The following TBCD variants were observed in gnomAD, a reference collection of about 807,000 sequenced individuals.
The protein encoded by TBCD is tubulin folding cofactor D.
In TBCD, 105 loss-of-function variants were observed where a neutral mutation model predicts 169.3. The ratio of observed to expected loss-of-function variants is 0.62; its 90% CI spans 0.53 to 0.73. The LOEUF is 0.73. TBCD is among the 30% of genes least tolerant of loss of function. The pLI is 0.00. For missense variants in TBCD, 1,444 were observed against 1,600.1 expected (o/e 0.90, Z 1.66); for synonymous variants, 700 against 643.9 (o/e 1.09, Z -1.32).
intron 14 of TBCD, among the ~76,000 whole-genome samples, chr17:82,871,874 C>T (rs888468524): frequency 1.3e-5 from 2 of 152,238 alleles, no homozygotes; most frequent in East Asian, 1.9e-4. Context: ...TTCCCTCACG[C>T]ACCCGGGTGT....
At chr17:82,808,686 G>GTAT in intron 11 of TBCD, among the ~76,000 whole-genome samples, 1 of 116,464 alleles carries the variant, frequency 8.6e-6, no homozygotes, top group African/African-American at 3.3e-5. Flanking sequence ...GTGCTGGGGG[G>GTAT]CAGAGAGGCC....
chr17:82,840,953 G>GTTTTTTTT lies in TBCD; in HGVS notation c.1318+26019_1318+26020insTTTTTTTT, dbSNP rs755302623. Among the ~76,000 whole-genome samples, 109 of 70,548 alleles carry GTTTTTTTT rather than the reference G, an allele frequency of 1.5e-3. 38 individuals are homozygous for GTTTTTTTT. Among genetic ancestry groups the GTTTTTTTT allele is most frequent in the African/African-American group, 4.3e-3 (77 of 18,010 alleles). The allele number at this position is 70,548 out of a possible 152,430, so 46.3% of individuals were successfully genotyped here. A position where few individuals can be genotyped will look rare whatever the true frequency, so the allele number is the denominator to read the frequency against. Reference sequence around the variant, plus strand: ...ACGAGCTGGCCAGGACAGACAAACTGGTTTTTTTTTTTTTTTTTTTTTTTT... The same window carrying GTTTTTTTT: ...ACGAGCTGGCCAGGACAGACAAACTGTTTTTTTTGTTTTTTTTTTTTTTTTTTTTTTTT... On this transcript the variant is annotated intron_variant, in intron 13 of 38. Coordinates refer to ENST00000355528, the MANE Select transcript of TBCD (RefSeq NM_005993.5).
chr17:82,908,898 A>G (rs908773374), intron 21 of TBCD, among the ~76,000 whole-genome samples: 1 of 152,272 alleles, frequency 6.6e-6, no homozygotes, highest in African/African-American at 2.4e-5. Context: ...GGCCATCACA[A>G]CGTGGCTTTT....
rs373845436 is a variant in TBCD at position 82,927,900 on chromosome 17, A to G, written c.2610-5A>G. The G allele has an allele frequency of 3.2e-5, 51 of 1,613,226 alleles. No individual in the cohort carries two copies. Among genetic ancestry groups the G allele is most frequent in the Non-Finnish European group, 3.4e-5 (40 of 1,179,578 alleles). ...GGGTGTCTCTGCCTCTCCTTGTCCC[A>G]TCAGGGTCCGCAAGGCCGCCATGAC... is the stretch of plus-strand genomic sequence containing the variant. On this transcript the variant is annotated splice_region_variant and splice_polypyrimidine_tract_variant and intron_variant, in intron 29 of 38. Coordinates refer to ENST00000355528, the MANE Select transcript of TBCD (RefSeq NM_005993.5).
At chr17:82,790,926 C>G (rs1044022308) in intron 7 of TBCD, among the ~76,000 whole-genome samples, 1 of 152,044 alleles carries the variant, frequency 6.6e-6, no homozygotes, top group East Asian at 1.9e-4. Flanking sequence ...GCCAATGCCC[C>G]TTCAGGTCCC....
At chr17:82,887,164 TGTGTGCGC>T (rs1310002703) in intron 15 of TBCD, among the ~76,000 whole-genome samples, 1,698 of 104,542 alleles carry the variant, frequency 0.016, 17 homozygotes, top group Non-Finnish European at 0.026. Flanking sequence ...TGTGTGTGTG[TGTGTGCGC>T]GCGCGCGCAC....
chr17:82,916,752 C>G (rs1426301958), intron 23 of TBCD, among the ~76,000 whole-genome samples: 1 of 152,040 alleles, frequency 6.6e-6, no homozygotes, highest in African/African-American at 2.4e-5. Flanking sequence ...CCGTGATATT[C>G]CTAGAACAAG....
chr17:82,816,848 TAAAAAAA>T (rs35049574), intron 13 of TBCD, among the ~76,000 whole-genome samples: 1 of 115,776 alleles, frequency 8.6e-6, no homozygotes, highest in Non-Finnish European at 1.7e-5. Flanking sequence ...CCTGCTTCTT[TAAAAAAA>T]AAAAAAAAAA....
intron 23 of TBCD, among the ~76,000 whole-genome samples, chr17:82,912,058 C>T (rs906999574): frequency 6.6e-6 from 1 of 152,216 alleles, no homozygotes; most frequent in African/African-American, 2.4e-5. Context: ...GGAAATTTCT[C>T]AGGAAGCAGA....
chr17:82,872,127 A>T (rs1449651943), intron 14 of TBCD, among the ~76,000 whole-genome samples: 3 of 152,174 alleles, frequency 2.0e-5, no homozygotes, highest in Non-Finnish European at 2.9e-5. Flanking sequence ...AGATTCTTGC[A>T]TCAGAGCGAA....
At chr17:82,811,308 C>T (rs1221869741) in intron 12 of TBCD, among the ~76,000 whole-genome samples, 1 of 152,116 alleles carries the variant, frequency 6.6e-6, no homozygotes, top group Non-Finnish European at 1.5e-5. Context: ...AGTGCGTCTC[C>T]TAAACTCACT....
intron 34 of TBCD, among the ~76,000 whole-genome samples, chr17:82,935,479 C>T (rs2062546709): frequency 6.6e-6 from 1 of 151,988 alleles, no homozygotes; most frequent in South Asian, 2.1e-4. Context: ...AGTGCCCCCT[C>T]CCCGCCCCCA....
At chr17:82,860,730 C>T (rs755276673) in intron 13 of TBCD, among the ~76,000 whole-genome samples, 33 of 152,304 alleles carry the variant, frequency 2.2e-4, no homozygotes, top group South Asian at 8.3e-4. Flanking sequence ...GGACGGGGTT[C>T]GGTTCCACCC....
intron 8 of TBCD, among the ~76,000 whole-genome samples, chr17:82,800,126 C>T (rs191874328): frequency 6.6e-6 from 1 of 151,822 alleles, no homozygotes; most frequent in East Asian, 1.9e-4. Flanking sequence ...TTTCTCCTGT[C>T]CCCTGTCAGT....
At chr17:82,799,624 C>T (rs947137952) in intron 8 of TBCD, among the ~76,000 whole-genome samples, 7 of 152,288 alleles carry the variant, frequency 4.6e-5, no homozygotes, top group Middle Eastern at 6.8e-3. Flanking sequence ...ATCCCTGCAC[C>T]GCACAGGAGG....
chr17:82,867,503 C>T (rs1198753008), intron 13 of TBCD, among the ~76,000 whole-genome samples: 2 of 152,186 alleles, frequency 1.3e-5, no homozygotes, highest in African/African-American at 4.8e-5. Flanking sequence ...GTGCCACAGC[C>T]TGTTAGTTTT....
intron 37 of TBCD, among the ~76,000 whole-genome samples, chr17:82,940,246 C>CACACACACACACACA (rs2063057216): frequency 6.6e-6 from 1 of 150,894 alleles, no homozygotes; most frequent in Non-Finnish European, 1.5e-5. Flanking sequence ...CACACACACA[C>CACACACACACACACA]TTCTAAAAGG....
At chr17:82,918,626 T>C (rs1411335279) in intron 23 of TBCD, 1 of 152,202 alleles carries the variant, frequency 6.6e-6, no homozygotes, top group African/African-American at 2.4e-5. Context: ...AGCCTTTTCA[T>C]GTCTACCACT....
In TBCD at chr17:82,798,649, C is replaced by T. The variant is rs549177553; in HGVS notation, c.817+847C>T. Among the ~76,000 whole-genome samples, 22 of 152,270 alleles carry T rather than the reference C, an allele frequency of 1.4e-4. No homozygotes were observed. In the East Asian group the frequency reaches 2.1e-3, roughly 15 times the overall value. The stretch of plus-strand genomic sequence containing the variant: ...TCGTGAGGGAGGTCTGGGCAAAGCC[C>T]GTGTCATGATCTGAGGTTGGACCTG... On this transcript the variant is annotated intron_variant, in intron 8 of 38. Transcript: ENST00000355528.
Sources: gnomAD v4.1 joint callset for allele counts (sites outside exome capture counted in the v4.1 genomes callset) on GRCh38, gnomAD v4.1.1 for gene constraint, MANE v1.5 for transcripts, NCBI Gene and HGNC (gene_info 2026-07-23, HGNC 2026-07-21) for gene names.